The following KHDC1 variants were observed in gnomAD, a reference collection of about 807,000 sequenced individuals.
KHDC1 encodes the protein KH domain containing 1.
In KHDC1, 21 loss-of-function variants were observed where a neutral mutation model predicts 24.7. The ratio of observed to expected loss-of-function variants is 0.85; its 90% confidence interval spans 0.60 to 1.23. The LOEUF is 1.23. Among genes scored for constraint, KHDC1 ranks in the 50% most tolerant of loss-of-function variants. KHDC1 has a pLI of 0.00. For missense variants in KHDC1, 274 were observed against 298.5 expected (o/e 0.92, Z 0.61); for synonymous variants, 98 against 111.7 (o/e 0.88, Z 0.77).
intron 1 of KHDC1, among the ~76,000 whole-genome samples, chr6:73,297,037 A>G (rs1291008441): frequency 6.6e-6 from 1 of 152,084 alleles, no homozygotes; most frequent in South Asian, 2.1e-4. Context: ...AGTAGCTGAG[A>G]TTACAGGCAC....
intron 2 of KHDC1, among the ~76,000 whole-genome samples, chr6:73,271,650 A>G (rs1465911704): frequency 6.7e-6 from 1 of 149,628 alleles, no homozygotes; most frequent in Non-Finnish European, 1.5e-5. Context: ...TCTCAGCACT[A>G]TGGGAGGCCG....
intron 1 of KHDC1, among the ~76,000 whole-genome samples, chr6:73,305,173 G>C (rs1055190872): frequency 2.0e-5 from 3 of 152,062 alleles, no homozygotes; most frequent in African/African-American, 7.2e-5. Context: ...GGGAAGCAGA[G>C]GTTGCAGTGA....
At chr6:73,246,222 A>G (rs1489170990) in intron 2 of KHDC1, among the ~76,000 whole-genome samples, 1 of 152,172 alleles carries the variant, frequency 6.6e-6, no homozygotes, top group Non-Finnish European at 1.5e-5. Flanking sequence ...CACCACTCAG[A>G]AATATTACCT....
At chr6:73,262,697 A>C (rs1767002081) in intron 2 of KHDC1, 77 bp downstream of exon 1, 1 of 976,606 alleles carries the variant, frequency 1.0e-6, no homozygotes, top group African/African-American at 1.8e-5. Context: ...ACTTCTTTGC[A>C]GCTCACTTTC....
chr6:73,292,572 C>T, intron 1 of KHDC1: 1 of 766,172 alleles, frequency 1.3e-6, no homozygotes, highest in African/African-American at 1.7e-5. Context: ...GTGAGTTCTC[C>T]ACTCCAGTCT....
At chr6:73,266,608 A>G (rs1767081241) in intron 2 of KHDC1, among the ~76,000 whole-genome samples, 2 of 152,208 alleles carry the variant, frequency 1.3e-5, no homozygotes, top group Admixed American at 1.3e-4. Flanking sequence ...CTTACCTTAT[A>G]CCAGATACAG....
chr6:73,290,058 C>T (rs1448159994), intron 2 of KHDC1, among the ~76,000 whole-genome samples: 1 of 141,442 alleles, frequency 7.1e-6, no homozygotes, highest in African/African-American at 2.6e-5. Flanking sequence ...CGAGATTGCG[C>T]CACTGCAGTC....
intron 2 of KHDC1, chr6:73,263,412 G>A: frequency 2.1e-6 from 1 of 473,528 alleles, no homozygotes; most frequent in Non-Finnish European, 2.8e-6. Context: ...CAGCGGAGCT[G>A]CTTGGTGAGT....
At chr6:73,253,866 A>G (rs1355189483) in intron 2 of KHDC1, among the ~76,000 whole-genome samples, 1 of 152,210 alleles carries the variant, frequency 6.6e-6, no homozygotes, top group Non-Finnish European at 1.5e-5. Flanking sequence ...ATGATCATAC[A>G]CCGCACTCCA....
intron 1 of KHDC1, among the ~76,000 whole-genome samples, chr6:73,294,005 C>CAAAAAA (rs111522900): frequency 3.1e-5 from 2 of 64,902 alleles, no homozygotes; most frequent in African/African-American, 9.1e-5. Context: ...GACTCCACCT[C>CAAAAAA]AAAAAAAAAA....
chr6:73,276,415 G>A (rs1471049973), intron 2 of KHDC1: 1 of 151,896 alleles, frequency 6.6e-6, no homozygotes. Flanking sequence ...TGAACCCAGA[G>A]TGTGGAAGTT....
intron 2 of KHDC1, chr6:73,263,060 C>T (rs1767012760): frequency 3.1e-5 from 3 of 97,772 alleles, no homozygotes; most frequent in South Asian, 4.3e-4. Context: ...GCGGCGGCGG[C>T]GGCGGCGGCA....
intron 1 of KHDC1, among the ~76,000 whole-genome samples, chr6:73,296,543 G>C (rs1361981332): frequency 6.6e-6 from 1 of 152,136 alleles, no homozygotes; most frequent in East Asian, 1.9e-4. Context: ...ATCACAACTA[G>C]AATGGTTATC....
chr6:73,263,616 G>C (rs1020217506), intron 2 of KHDC1, among the ~76,000 whole-genome samples: 6 of 151,420 alleles, frequency 4.0e-5, no homozygotes, highest in Non-Finnish European at 5.9e-5. Context: ...CGCGGTGGGG[G>C]GGGGGGTGAC....
Position 73,242,404 on chromosome 6 carries a change from A to G in KHDC1, c.331+2T>C. On this transcript the variant is annotated splice_donor_variant, in intron 3 of 4. Transcript: ENST00000370384. LOFTEE classifies it high-confidence loss of function. ...AAGGGGACGTGGGCAAAGGCCACTC[A>G]CCGAAGATGAGCTCCTCCTGGTCCT... 1 of 1,614,176 alleles carries G rather than the reference A, an allele frequency of 6.2e-7. No individual in the cohort carries two copies. Among genetic ancestry groups the G allele is most frequent in the Non-Finnish European group, 8.5e-7 (1 of 1,180,024 alleles).
At chr6:73,283,274 T>C (rs1767447550) in intron 2 of KHDC1, among the ~76,000 whole-genome samples, 1 of 152,224 alleles carries the variant, frequency 6.6e-6, no homozygotes, top group South Asian at 2.1e-4. Flanking sequence ...TTGTCTGTTC[T>C]ACCTCACTTA....
At chr6:73,251,991 G>C (rs1307458933) in intron 2 of KHDC1, among the ~76,000 whole-genome samples, 1 of 151,054 alleles carries the variant, frequency 6.6e-6, no homozygotes, top group African/African-American at 2.4e-5. Flanking sequence ...CCAGAGTAGA[G>C]GGGTTATAGG....
At chr6:73,306,260 C>G (rs1026223694) in intron 1 of KHDC1, among the ~76,000 whole-genome samples, 4 of 152,084 alleles carry the variant, frequency 2.6e-5, no homozygotes, top group Non-Finnish European at 5.9e-5. Context: ...TCTGCTTTCA[C>G]TGGGGCTTGG....
At position 73,267,391 on chromosome 6, in the gene KHDC1, G is replaced by A. The variant is rs146684219; in HGVS notation, c.206+24607C>T. Among the ~76,000 whole-genome samples, 392 of 152,306 alleles carry A rather than the reference G, an allele frequency of 2.6e-3. 3 individuals carry two copies. The highest frequency in any genetic ancestry group is 8.8e-3 in the African/African-American group (365 of 41,562). On this transcript the variant is annotated intron_variant, in intron 2 of 4. Coordinates refer to ENST00000370384, the Ensembl canonical transcript of KHDC1. ...CCAGCTACTTGGGAGGCTGAGGCAC[G>A]AGAATTGCTTGAACCTGGGAGATAG...
Sources: allele counts gnomAD v4.1 joint callset (sites outside exome capture counted in the v4.1 genomes callset), GRCh38; gene constraint gnomAD v4.1.1; transcripts MANE v1.5; gene names NCBI Gene and HGNC (gene_info 2026-07-23, HGNC 2026-07-21).